The following ADK variants were observed in gnomAD, a reference collection of about 807,000 sequenced individuals.
The protein encoded by ADK is N6,N6-dimethyladenosine kinase.
A neutral mutation model predicts 44.7 loss-of-function variants in ADK; 24 were observed. The observed-to-expected ratio is 0.54, with a 90% CI of 0.39 to 0.76. The LOEUF (loss-of-function observed/expected upper bound fraction) is 0.76, where lower values mean the gene tolerates loss of function less well. Ranked by LOEUF, ADK falls within the 30% of genes least tolerant of loss-of-function variation. The pLI, the probability that ADK is intolerant of heterozygous loss-of-function variation, is 0.00. For missense variants in ADK, 321 were observed against 425.1 expected (o/e 0.76, Z 2.15); for synonymous variants, 128 against 142.6 (o/e 0.90, Z 0.73).
At chr10:74,595,176 C>CAAAA (rs781407492) in intron 8 of ADK, among the ~76,000 whole-genome samples, 3 of 29,608 alleles carry the variant, frequency 1.0e-4, no homozygotes, top group African/African-American at 3.8e-4. Flanking sequence ...AACTCCATCT[C>CAAAA]AAAAAAAAAA....
At chr10:74,204,994 T>A (rs10824109) in intron 2 of ADK, among the ~76,000 whole-genome samples, 1 of 143,768 alleles carries the variant, frequency 7.0e-6, no homozygotes. Context: ...GAGCTGAAAT[T>A]GCACCATTGC....
intron 9 of ADK, among the ~76,000 whole-genome samples, chr10:74,621,890 C>T (rs1227904412): frequency 6.6e-6 from 1 of 152,130 alleles, no homozygotes; most frequent in Non-Finnish European, 1.5e-5. Context: ...CACTTCTATA[C>T]CATGGCCCTC....
intron 4 of ADK, among the ~76,000 whole-genome samples, chr10:74,316,265 G>A (rs754225457): frequency 1.3e-5 from 2 of 151,916 alleles, no homozygotes; most frequent in Non-Finnish European, 2.9e-5. Flanking sequence ...AGAAAAAAAG[G>A]ATGATTTACT....
chr10:74,658,369 C>A (rs1167618020), intron 9 of ADK, among the ~76,000 whole-genome samples: 1 of 152,056 alleles, frequency 6.6e-6, no homozygotes, highest in Non-Finnish European at 1.5e-5. Context: ...GGAACATAAC[C>A]AAAGGTAGAC....
chr10:74,409,698 T>C (rs980674149), intron 6 of ADK, among the ~76,000 whole-genome samples: 12 of 152,186 alleles, frequency 7.9e-5, no homozygotes, highest in Admixed American at 2.0e-4. Context: ...TTTTCAAATG[T>C]CACTAATGTT....
intron 4 of ADK, among the ~76,000 whole-genome samples, chr10:74,335,868 A>T (rs766776367): frequency 6.6e-6 from 1 of 152,098 alleles, no homozygotes; most frequent in Non-Finnish European, 1.5e-5. Context: ...TTTTTAAAAA[A>T]AATTGTGTTT....
intron 6 of ADK, among the ~76,000 whole-genome samples, chr10:74,493,440 A>C (rs1024470470): frequency 2.0e-5 from 3 of 151,268 alleles, no homozygotes; most frequent in African/African-American, 4.9e-5. Context: ...ATCTATATAT[A>C]TATATATATC....
chr10:74,169,670 T>C (rs1348429045), intron 1 of ADK, among the ~76,000 whole-genome samples: 1 of 152,230 alleles, frequency 6.6e-6, no homozygotes, highest in African/African-American at 2.4e-5. Context: ...AAGATGATTA[T>C]TAAAAGCAAA....
chr10:74,187,967 A>G (rs886238335), intron 1 of ADK, among the ~76,000 whole-genome samples: 2 of 152,238 alleles, frequency 1.3e-5, no homozygotes, highest in Non-Finnish European at 2.9e-5. Context: ...GATAGAATTA[A>G]TCAGTGCAGC....
chr10:74,407,539 G>A (rs1843993459), intron 6 of ADK, among the ~76,000 whole-genome samples: 1 of 151,904 alleles, frequency 6.6e-6, no homozygotes, highest in African/African-American at 2.4e-5. Flanking sequence ...CTGATTACCT[G>A]GGTATTCATT....
At chr10:74,298,794 A>G (rs1239484642) in intron 3 of ADK, among the ~76,000 whole-genome samples, 2 of 151,984 alleles carry the variant, frequency 1.3e-5, no homozygotes, top group African/African-American at 4.8e-5. Context: ...AATTGAGGAC[A>G]TTAGCCAGGC....
chr10:74,160,692 T>G lies in ADK; in HGVS notation c.65+9349T>G, dbSNP rs556327688. ...GTGTGTGCGTGCATGCAGGTAGGGG[T>G]GTGTGTGTGTGTGTGTGTGTGTGTG... On this transcript the variant is annotated intron_variant, in intron 1 of 10. Coordinates refer to ENST00000539909, the MANE Select transcript of ADK (RefSeq NM_006721.4). 2.9e-3 allele frequency among the ~76,000 whole-genome samples: 409 copies of G among 139,866 alleles called. 1 individual carries two copies. The highest frequency in any genetic ancestry group is 7.1e-3 in the African/African-American group (264 of 36,988). 91.8% of individuals were successfully genotyped at this position (139,866 alleles called of 152,430 possible). A position where few individuals can be genotyped will look rare whatever the true frequency, so the allele number is the denominator to read the frequency against.
At chr10:74,304,706 T>C (rs532778200) in intron 3 of ADK, among the ~76,000 whole-genome samples, 6 of 152,260 alleles carry the variant, frequency 3.9e-5, no homozygotes, top group African/African-American at 1.4e-4. Context: ...TTTGTATAGG[T>C]TGGTAGTGTG....
chr10:74,157,090 C>G (rs1236080843), intron 1 of ADK, among the ~76,000 whole-genome samples: 1 of 152,128 alleles, frequency 6.6e-6, no homozygotes, highest in Admixed American at 6.5e-5. Flanking sequence ...AGCTGTGGAC[C>G]TGGAGTGAAG....
chr10:74,341,947 A>G (rs1485417469), intron 4 of ADK, among the ~76,000 whole-genome samples: 1 of 152,134 alleles, frequency 6.6e-6, no homozygotes. Flanking sequence ...ACTTCTTGGT[A>G]CCTTTCTGTG....
chr10:74,300,270 C>G (rs1839967920), intron 3 of ADK, among the ~76,000 whole-genome samples: 2 of 37,338 alleles, frequency 5.4e-5, no homozygotes, highest in African/African-American at 1.8e-4. Context: ...TTCCTTCCTT[C>G]CTTCCTTCCT....
At chr10:74,419,503 T>A (rs1383213602) in intron 6 of ADK, among the ~76,000 whole-genome samples, 1 of 152,146 alleles carries the variant, frequency 6.6e-6, no homozygotes. Context: ...AATCAAACCC[T>A]GGAACAAAAG....
chr10:74,568,630 T>C (rs1307253210), intron 7 of ADK, among the ~76,000 whole-genome samples: 1 of 151,298 alleles, frequency 6.6e-6, no homozygotes, highest in African/African-American at 2.4e-5. Flanking sequence ...CCCATTTCTA[T>C]GGTTATTTCT....
In ADK at chr10:74,493,797, G is replaced by T. The variant is rs543212233; in HGVS notation, c.556-31459G>T. Among the ~76,000 whole-genome samples, 39 of 152,074 alleles carry T rather than the reference G, an allele frequency of 2.6e-4. No homozygotes were observed. The South Asian group carries it at 7.9e-3, about 31-fold the overall frequency. On this transcript the variant is annotated intron_variant, in intron 6 of 10. Coordinates refer to ENST00000539909, the MANE Select transcript of ADK (RefSeq NM_006721.4). The stretch of plus-strand genomic sequence containing the variant: ...TCATAGGAAATGTTAAAAATATCAG[G>T]TATTTTATGTGTACCTACCATGAAT...
Sources: allele counts gnomAD v4.1 joint callset (sites outside exome capture counted in the v4.1 genomes callset), GRCh38; gene constraint gnomAD v4.1.1; transcripts MANE v1.5; gene names NCBI Gene and HGNC (gene_info 2026-07-23, HGNC 2026-07-21).